The following LLGL2 variants were observed in gnomAD, a reference collection of about 807,000 sequenced individuals.
LLGL2 encodes LLGL2, scribble cell polarity complex component.
LLGL2 carries 81 observed loss-of-function variants against 123.2 expected under a neutral mutation model. That is an observed-to-expected ratio of 0.66 (90% CI 0.55 to 0.79). The LOEUF is 0.79. LLGL2 is among the 30% of genes least tolerant of loss of function. LLGL2 has a pLI of 0.00. For synonymous variants in LLGL2, 577 were observed against 594.1 expected (o/e 0.97, Z 0.42); for missense variants, 1,273 against 1,414.6 (o/e 0.90, Z 1.61).
At chr17:75,528,534 T>G (rs538204588) in intron 1 of LLGL2, among the ~76,000 whole-genome samples, 1 of 150,832 alleles carries the variant, frequency 6.6e-6, no homozygotes, top group South Asian at 2.1e-4. Flanking sequence ...AGGTCAGGAG[T>G]TTGAGAGCAG....
chr17:75,548,008 A>G (rs1240267515), intron 2 of LLGL2, among the ~76,000 whole-genome samples: 1 of 152,164 alleles, frequency 6.6e-6, no homozygotes, highest in African/African-American at 2.4e-5. Context: ...AGAAAATCTG[A>G]TATCCGAAAT....
Position 75,569,344 on chromosome 17 carries a change from G to A in LLGL2, c.1581+19G>A. 1 of 1,596,572 alleles carries A rather than the reference G, an allele frequency of 6.3e-7. No homozygotes were observed. The highest frequency in any genetic ancestry group is 8.6e-7 in the Non-Finnish European group (1 of 1,165,338). ...AGGGCAGGTAGCAGGCTGGGCTGGG[G>A]AGGGGGAGCTGGGGAGGAGTGGTCG... is the stretch of plus-strand genomic sequence containing the variant. On this transcript the variant is annotated intron_variant, in intron 14 of 25. Transcript: ENST00000392550.
In LLGL2 at chr17:75,529,476, A is replaced by G. The variant is rs555724187; in HGVS notation, c.-31+3651A>G. Among the ~76,000 whole-genome samples the G allele has an allele frequency of 4.9e-4, 74 of 151,448 alleles. 1 individual carries two copies. In the East Asian group the frequency reaches 0.011, roughly 22 times the overall value. ...TGCCTCAGCCTCTCAAAGTGCTGGG[A>G]TTACAGGCATGAGCCACTGCACCCG... On this transcript the variant is annotated intron_variant, in intron 1 of 25. Transcript: ENST00000392550.
chr17:75,559,468 C>T lies in LLGL2; in HGVS notation c.530+58C>T. On this transcript the variant is annotated intron_variant, in intron 6 of 25. Coordinates refer to ENST00000392550, the MANE Select transcript of LLGL2 (RefSeq NM_001031803.2). This position sits in a 1 kb window ranked among gnomAD's most constrained non-coding sequence, Gnocchi z 4.6. Reference sequence around the variant, plus strand: ...TCCCCTCAAGTTAGGCATGGCTTCTCCCCTTGGTCCCAGGACTCTGTCAGG... The same window carrying T: ...TCCCCTCAAGTTAGGCATGGCTTCTTCCCTTGGTCCCAGGACTCTGTCAGG... 2.0e-6 allele frequency: 3 copies of T among 1,535,610 alleles called. No homozygotes were observed. The highest frequency in any genetic ancestry group is 1.8e-6 in the Non-Finnish European group (2 of 1,141,742).
chr17:75,569,047 C>T lies in LLGL2; in HGVS notation c.1392C>T (p.Ser464=). The T allele has an allele frequency of 6.2e-7, 1 of 1,612,716 alleles. No individual in the cohort carries two copies. ...GCCTGCGGCTGCTCTACAAACTCAGCACTGTGCGCGTGTTCCTCACCGACA... is the reference window on the plus strand; with the variant it reads ...GCCTGCGGCTGCTCTACAAACTCAGTACTGTGCGCGTGTTCCTCACCGACA... ...GVCLRLLYKL[S]TVRVFLTDTD... The change falls in exon 13 of 26, where the codon AGC becomes AGT. Residue 464 remains serine, a synonymous_variant. Transcript: ENST00000392550.
rs1389098179 is a variant in LLGL2, at chr17:75,571,087, C to T, written c.2163C>T (p.Thr721=). 6.2e-7 allele frequency: 1 copy of T among 1,611,500 alleles called. No individual in the cohort carries two copies. The highest frequency in any genetic ancestry group is 8.5e-7 in the Non-Finnish European group (1 of 1,179,138). Residue 721 remains threonine, a synonymous_variant, in exon 17 of 26, where the codon ACC becomes ACT. Coordinates refer to ENST00000392550, the MANE Select transcript of LLGL2 (RefSeq NM_001031803.2). The part of the protein sequence containing the change: ...GFVRTLYFAD[T]YLKDSSRHCP... The stretch of plus-strand genomic sequence containing the variant: ...TCCGGACCCTGTACTTTGCTGACAC[C>T]TACCTGAAGGACAGTGAGTGGCCAG...
chr17:75,555,930 C>T (rs2054891681), intron 2 of LLGL2, 116 bp from the exon 3 acceptor site: 17 of 738,466 alleles, frequency 2.3e-5, no homozygotes, highest in Middle Eastern at 3.4e-4. Flanking sequence ...TGGGAGGAAC[C>T]GGAAAGGTAC....
intron 2 of LLGL2, among the ~76,000 whole-genome samples, chr17:75,550,804 A>AC (rs869163228): frequency 1.6e-5 from 2 of 121,598 alleles, no homozygotes; most frequent in Admixed American, 8.0e-5. Flanking sequence ...AAAAAAAAAA[A>AC]CACACACACA....
At chr17:75,536,177 T>C (rs1265376458) in intron 1 of LLGL2, among the ~76,000 whole-genome samples, 1 of 152,024 alleles carries the variant, frequency 6.6e-6, no homozygotes, top group Non-Finnish European at 1.5e-5. Flanking sequence ...TGGAGAAGGT[T>C]TTCCTGAGAA....
rs149568981 is a variant in LLGL2, at chr17:75,559,396, C to T, written c.516C>T (p.Asp172=). The part of the protein sequence containing the change: ...RALEDRTISS[D]AVLQRLPEEA... ...TGGAGGACCGGACCATCAGCTCGGACGCGGTGCTGCAGCGGTGAGCCCAGA... is the reference window on the plus strand; with the variant it reads ...TGGAGGACCGGACCATCAGCTCGGATGCGGTGCTGCAGCGGTGAGCCCAGA... Residue 172 remains aspartate, a synonymous_variant, in exon 6 of 26, where the codon GAC becomes GAT. Transcript: ENST00000392550. This position sits in a 1 kb window ranked among gnomAD's most constrained non-coding sequence, Gnocchi z 4.6. The T allele has an allele frequency of 7.6e-5, 122 of 1,609,406 alleles. No individual in the cohort carries two copies. The African/African-American group carries it at 1.2e-3, about 15-fold the overall frequency.
intron 19 of LLGL2, 28 bp from the exon 20 acceptor site, chr17:75,572,986 G>A: frequency 6.3e-7 from 1 of 1,580,814 alleles, no homozygotes; most frequent in Non-Finnish European, 8.6e-7. Flanking sequence ...TTTGGCCATG[G>A]GCATGAACAA....
intron 6 of LLGL2, 45 bp from the exon 7 acceptor site, chr17:75,562,971 C>T: frequency 6.2e-7 from 1 of 1,602,434 alleles, no homozygotes; most frequent in South Asian, 1.1e-5. Flanking sequence ...GGGCCATTCC[C>T]CCTGGTGGAC....
At chr17:75,535,088 G>A (rs1449732438) in intron 1 of LLGL2, among the ~76,000 whole-genome samples, 1 of 152,192 alleles carries the variant, frequency 6.6e-6, no homozygotes, top group Non-Finnish European at 1.5e-5. Context: ...GCTTCCCAGG[G>A]CGACATGGGC....
chr17:75,528,077 C>T (rs2053637564), intron 1 of LLGL2, among the ~76,000 whole-genome samples: 1 of 151,900 alleles, frequency 6.6e-6, no homozygotes, highest in Non-Finnish European at 1.5e-5. Flanking sequence ...ACTGCCACGC[C>T]AGACCCGTTA....
In LLGL2 at chr17:75,543,381, CCTT is replaced by C. The variant is rs770106688; in HGVS notation, c.-30-13_-30-11del. On this transcript the variant is annotated splice_polypyrimidine_tract_variant and intron_variant, in intron 1 of 25. Transcript: ENST00000392550. ...AGTGCCAGGACAGACCCCTGCAGCT[CCTT>C]CTGTTTCTCCAGGTCTCCAGTGGGG... The C allele has an allele frequency of 3.2e-6, 5 of 1,564,284 alleles. No homozygotes were observed. In the South Asian group the frequency reaches 3.5e-5, roughly 11 times the overall value.
intron 2 of LLGL2, among the ~76,000 whole-genome samples, chr17:75,552,618 C>T (rs112504413): frequency 6.6e-5 from 10 of 152,230 alleles, no homozygotes; most frequent in South Asian, 2.1e-4. Context: ...TTTACACTTA[C>T]GGCACATCTC....
chr17:75,566,972 G>GA (rs1568066019), intron 10 of LLGL2, among the ~76,000 whole-genome samples: 1 of 152,116 alleles, frequency 6.6e-6, no homozygotes, highest in African/African-American at 2.4e-5. Flanking sequence ...GAGGTTTAAA[G>GA]AAAAAAAGAG....
Position 75,571,656 on chromosome 17 carries a change from C to T in LLGL2, c.2177-11C>T, listed in dbSNP as rs1174111965. The T allele has an allele frequency of 3.1e-6, 5 of 1,599,934 alleles. No homozygotes were observed. The highest frequency in any genetic ancestry group is 1.3e-5 in the African/African-American group (1 of 74,932). On this transcript the variant is annotated splice_polypyrimidine_tract_variant and intron_variant, in intron 17 of 25. Coordinates refer to ENST00000392550, the MANE Select transcript of LLGL2 (RefSeq NM_001031803.2). ...CTAAGGGTCAGACACCCAAACATGG[C>T]TTCTCGGCAGGCTCCCGGCACTGCC...
intron 12 of LLGL2, 49 bp from the exon 13 acceptor site, chr17:75,568,929 A>G (rs1159369569): frequency 1.9e-6 from 3 of 1,585,696 alleles, no homozygotes; most frequent in East Asian, 2.2e-5. Flanking sequence ...GCCCCTGGGC[A>G]TCCCGGCTGG....
Sources: allele counts gnomAD v4.1 joint callset (sites outside exome capture counted in the v4.1 genomes callset), GRCh38; gene constraint gnomAD v4.1.1; non-coding constraint Gnocchi (gnomAD v3.1); transcripts MANE v1.5; gene names NCBI Gene and HGNC (gene_info 2026-07-23, HGNC 2026-07-21).